Variants in MEGF6 observed in about 807,000 individuals in gnomAD.
The protein encoded by MEGF6 is multiple EGF like domains 6, also known as multiple epidermal growth factor-like domains protein 6.
A neutral mutation model predicts 207.1 loss-of-function variants in MEGF6; 184 were observed. The observed-to-expected ratio is 0.89, with a 90% CI of 0.79 to 1.00. The LOEUF (loss-of-function observed/expected upper bound fraction) is 1.00, where lower values mean the gene tolerates loss of function less well. Among genes scored for constraint, MEGF6 ranks in the 50% least tolerant of loss-of-function variants. MEGF6 has a pLI of 0.00. For missense variants in MEGF6, 2,282 were observed against 2,202.9 expected, an observed-to-expected ratio of 1.04 and a Z score of -0.72; for synonymous variants, 1,038 against 910.0, an observed-to-expected ratio of 1.14 and a Z score of -2.53.
intron 4 of MEGF6, among the ~76,000 whole-genome samples, chr1:3,544,578 C>T (rs1178445831): frequency 6.6e-6 from 1 of 152,162 alleles, no homozygotes; most frequent in Non-Finnish European, 1.5e-5. Context: ...CCAGCAGACG[C>T]TGGCCAGCCT....
chr1:3,617,667 A>G, the MEGF6 span, among the ~76,000 whole-genome samples: 1 of 152,328 alleles, frequency 6.6e-6, no homozygotes. Flanking sequence ...TAAACTGGGA[A>G]AGAAAAAAAG....
intron 4 of MEGF6, among the ~76,000 whole-genome samples, chr1:3,541,209 G>T (rs991983278): frequency 6.6e-6 from 1 of 152,232 alleles, no homozygotes; most frequent in Non-Finnish European, 1.5e-5. Flanking sequence ...CCCCGTGGGG[G>T]GCCTCAGCAC....
rs201233978 is a variant in MEGF6 at position 3,498,345 on chromosome 1, C to A, written c.3352+26G>T. On this transcript the variant is annotated intron_variant, in intron 26 of 36. Transcript: ENST00000356575. ...ACCCCTTCCCAGCAGGGCCTGCAGA[C>A]CCCCCTGCTGCCCCGCCCCACTCAC... is the stretch of plus-strand genomic sequence containing the variant. 21 of 1,584,202 alleles carry A rather than the reference C, an allele frequency of 1.3e-5. No homozygotes were observed. In the East Asian group the frequency reaches 2.7e-4, roughly 20 times the overall value.
At chr1:3,608,972 C>T (rs1187025537) in intron 1 of MEGF6, among the ~76,000 whole-genome samples, 2 of 152,216 alleles carry the variant, frequency 1.3e-5, no homozygotes, top group East Asian at 3.8e-4. Context: ...GACAGCGTCT[C>T]CTAGAGGCCC....
At chr1:3,559,608 T>A (rs1570136165) in intron 4 of MEGF6, among the ~76,000 whole-genome samples, 1 of 137,014 alleles carries the variant, frequency 7.3e-6, no homozygotes, top group Non-Finnish European at 1.6e-5. Context: ...GGCTTGGGAG[T>A]GGGACGGTGG....
intron 5 of MEGF6, among the ~76,000 whole-genome samples, chr1:3,520,583 A>G (rs1041800382): frequency 4.6e-5 from 7 of 151,136 alleles, no homozygotes; most frequent in African/African-American, 1.7e-4. Context: ...ACCAGGACTG[A>G]GCGGCCGGGG....
In MEGF6 at chr1:3,501,188, C is replaced by T. The variant is rs368037399; in HGVS notation, c.2435G>A (p.Arg812His). 2.1e-5 allele frequency: 34 copies of T among 1,612,268 alleles called. No individual in the cohort carries two copies. In the East Asian group the frequency reaches 2.2e-4, roughly 11 times the overall value. Residue 812 changes from arginine (R) to histidine (H), a missense_variant, in exon 19 of 37, where the codon CGC becomes CAC. By Grantham distance (29) the Arg-to-His change is conservative. Transcript: ENST00000356575. ...CLCLPGFVGS[R>H]CQDVCPAGWY... Reference sequence around the variant, plus strand: ...TCCAGCTCACTCACCGTCCTGGCAGCGGCTGCCGACGAAGCCAGGGAGGCA... The same window carrying T: ...TCCAGCTCACTCACCGTCCTGGCAGTGGCTGCCGACGAAGCCAGGGAGGCA...
chr1:3,527,195 G>A (rs1641995986), intron 4 of MEGF6, among the ~76,000 whole-genome samples: 1 of 152,190 alleles, frequency 6.6e-6, no homozygotes, highest in Non-Finnish European at 1.5e-5. Flanking sequence ...TAAAACTCTG[G>A]CGTCAGAGCA....
Position 3,579,939 on chromosome 1 carries a change from GA to G in MEGF6, c.377-11del. On this transcript the variant is annotated splice_polypyrimidine_tract_variant and intron_variant, in intron 3 of 36. Transcript: ENST00000356575. ...CTGGCGCTGCATTCAGCTGCGGAGGGAAGGAGAAAATCGGTGAGAGGGGCAA... is the reference window on the plus strand; with the variant it reads ...CTGGCGCTGCATTCAGCTGCGGAGGGAGGAGAAAATCGGTGAGAGGGGCAA... 6.6e-7 allele frequency: 1 copy of G among 1,511,644 alleles called. No individual in the cohort carries two copies. The highest frequency in any genetic ancestry group is 8.8e-7 in the Non-Finnish European group (1 of 1,135,866). The allele number at this position is 1,511,644 out of a possible 1,614,324, so 93.6% of individuals were successfully genotyped here. A position where few individuals can be genotyped will look rare whatever the true frequency, so the allele number is the denominator to read the frequency against.
At chr1:3,595,947 A>G (rs986424939) in intron 2 of MEGF6, among the ~76,000 whole-genome samples, 1 of 152,192 alleles carries the variant, frequency 6.6e-6, no homozygotes. Context: ...TTCAAACTCC[A>G]TATTTTGAGT....
rs542821978 is a variant in MEGF6 at position 3,570,563 on chromosome 1, G to A, written c.481+9262C>T. 1.8e-3 allele frequency among the ~76,000 whole-genome samples: 281 copies of A among 152,318 alleles called. 1 individual carries two copies. Among genetic ancestry groups the A allele is most frequent in the African/African-American group, 6.2e-3 (257 of 41,560 alleles). ...GGTGAGAGTCAAGGAGGCATCTTCCGGCCCAGGTGCCAGGTGCTCTGTCCA... is the reference window on the plus strand; with the variant it reads ...GGTGAGAGTCAAGGAGGCATCTTCCAGCCCAGGTGCCAGGTGCTCTGTCCA... On this transcript the variant is annotated intron_variant, in intron 4 of 36. Transcript: ENST00000356575.
chr1:3,522,752 G>C (rs1641803429), intron 5 of MEGF6, among the ~76,000 whole-genome samples: 1 of 152,124 alleles, frequency 6.6e-6, no homozygotes, highest in African/African-American at 2.4e-5. Context: ...GAAGGGATTA[G>C]AGGCCAGGAG....
At chr1:3,584,894 C>T (rs1409653230) in intron 3 of MEGF6, among the ~76,000 whole-genome samples, 3 of 152,266 alleles carry the variant, frequency 2.0e-5, no homozygotes, top group Non-Finnish European at 4.4e-5. Context: ...TGCCTGGGGA[C>T]TCTAAGGCGT....
intron 3 of MEGF6, among the ~76,000 whole-genome samples, chr1:3,581,137 A>C (rs1643787782): frequency 6.6e-6 from 1 of 152,132 alleles, no homozygotes; most frequent in Non-Finnish European, 1.5e-5. Flanking sequence ...CTCGGGCTTC[A>C]GGGCCTATGT....
intron 23 of MEGF6, 66 bp from the exon 24 acceptor site, chr1:3,499,332 C>G: frequency 1.3e-6 from 2 of 1,532,120 alleles, no homozygotes; most frequent in Admixed American, 3.9e-5. Flanking sequence ...CAGCAGATCA[C>G]AGCCAGCTGG....
Position 3,491,069 on chromosome 1 carries a change from C to T in MEGF6, c.4517-110G>A, listed in dbSNP as rs1482812656. 1.4e-5 allele frequency: 14 copies of T among 1,020,254 alleles called. No homozygotes were observed. The East Asian group carries it at 3.1e-4, about 22-fold the overall frequency. 63.2% of individuals were successfully genotyped at this position (1,020,254 alleles called of 1,614,324 possible). A position where few individuals can be genotyped will look rare whatever the true frequency, so the allele number is the denominator to read the frequency against. ...GGCCTTCAGGGACCTCCACTTCCCCCGCACAGTCTCCTTCCCTTCTCAGTC... is the reference window on the plus strand; with the variant it reads ...GGCCTTCAGGGACCTCCACTTCCCCTGCACAGTCTCCTTCCCTTCTCAGTC... On this transcript the variant is annotated intron_variant, in intron 35 of 36. Coordinates refer to ENST00000356575, the MANE Select transcript of MEGF6 (RefSeq NM_001409.4).
At chr1:3,544,374 C>T (rs768030663) in intron 4 of MEGF6, among the ~76,000 whole-genome samples, 1 of 152,180 alleles carries the variant, frequency 6.6e-6, no homozygotes, top group East Asian at 1.9e-4. Flanking sequence ...CCCCCAGCAC[C>T]GTCTGCACCC....
chr1:3,535,592 A>G (rs1021197299), intron 4 of MEGF6, among the ~76,000 whole-genome samples: 4 of 92,750 alleles, frequency 4.3e-5, no homozygotes, highest in African/African-American at 1.7e-4. Context: ...CCACCCGCCC[A>G]CCTCCCCTCT....
chr1:3,593,971 C>T (rs576540159), intron 3 of MEGF6, among the ~76,000 whole-genome samples: 17 of 152,288 alleles, frequency 1.1e-4, no homozygotes, highest in African/African-American at 4.1e-4. Context: ...TGCTGGAGCT[C>T]GGGCCAGGAC....
Sources: allele counts gnomAD v4.1 joint callset (sites outside exome capture counted in the v4.1 genomes callset), GRCh38; gene constraint gnomAD v4.1.1; transcripts MANE v1.5; gene names NCBI Gene and HGNC (gene_info 2026-07-23, HGNC 2026-07-21).